UNC5D: variants seen among roughly 807,000 people sequenced by gnomAD.
UNC5D encodes netrin receptor UNC5D.
Under a neutral mutation model 105.4 loss-of-function variants are expected in UNC5D, and 39 were observed. The observed-to-expected ratio is 0.37, with a 90% CI of 0.29 to 0.48. The LOEUF is 0.48. Among genes scored for constraint, UNC5D ranks in the 20% least tolerant of loss-of-function variants. The pLI is 0.98. For missense variants in UNC5D, 991 were observed against 1,202.4 expected (o/e 0.82, Z 2.60); for synonymous variants, 452 against 450.4 (o/e 1.00, Z -0.04).
chr8:35,764,197 T>C (rs1179807373), intron 14 of UNC5D, among the ~76,000 whole-genome samples: 1 of 152,154 alleles, frequency 6.6e-6, no homozygotes, highest in African/African-American at 2.4e-5. Context: ...AGAGAGATGA[T>C]GGCAATCAGT....
intron 1 of UNC5D, among the ~76,000 whole-genome samples, chr8:35,410,372 A>C (rs539311840): frequency 7.2e-5 from 11 of 152,036 alleles, no homozygotes; most frequent in Non-Finnish European, 1.6e-4. Context: ...CAGTTGTCAA[A>C]ATGATGTTCT....
intron 1 of UNC5D, among the ~76,000 whole-genome samples, chr8:35,541,634 A>G (rs1815281762): frequency 6.6e-6 from 1 of 152,198 alleles, no homozygotes; most frequent in South Asian, 2.1e-4. Flanking sequence ...GATGCCTGCC[A>G]TAAACCCTCC....
chr8:35,572,293 A>C (rs1817787953), intron 3 of UNC5D, among the ~76,000 whole-genome samples: 1 of 150,558 alleles, frequency 6.6e-6, no homozygotes, highest in African/African-American at 2.4e-5. Context: ...AAAAAAAAAA[A>C]AAAAAAACCC....
chr8:35,574,181 A>G (rs1817940913), intron 3 of UNC5D, among the ~76,000 whole-genome samples: 1 of 151,978 alleles, frequency 6.6e-6, no homozygotes, highest in Non-Finnish European at 1.5e-5. Flanking sequence ...CTTCTTCTTC[A>G]TCTGCTTATA....
chr8:35,584,480 T>G (rs896638427), intron 3 of UNC5D, among the ~76,000 whole-genome samples: 1 of 152,110 alleles, frequency 6.6e-6, no homozygotes, highest in Non-Finnish European at 1.5e-5. Context: ...AGTGGCATGA[T>G]TATAGCTCAC....
chr8:35,290,622 C>G (rs1299319828), intron 1 of UNC5D, among the ~76,000 whole-genome samples: 1 of 151,962 alleles, frequency 6.6e-6, no homozygotes. Flanking sequence ...TTCAAAGTAA[C>G]TAAGATAAAT....
At chr8:35,293,579 C>G (rs1807239873) in intron 1 of UNC5D, among the ~76,000 whole-genome samples, 1 of 152,150 alleles carries the variant, frequency 6.6e-6, no homozygotes, top group South Asian at 2.1e-4. Flanking sequence ...ATCTTGAAAC[C>G]CTTTCCCCCA....
At chr8:35,571,835 A>T (rs750370131) in intron 3 of UNC5D, among the ~76,000 whole-genome samples, 17 of 152,246 alleles carry the variant, frequency 1.1e-4, no homozygotes, top group Non-Finnish European at 2.4e-4. Flanking sequence ...GGATTTTGAT[A>T]GATGAATGTA....
intron 1 of UNC5D, among the ~76,000 whole-genome samples, chr8:35,314,792 G>A (rs1342236860): frequency 1.3e-5 from 2 of 152,086 alleles, no homozygotes; most frequent in Non-Finnish European, 2.9e-5. Context: ...CTAACCCTCA[G>A]GAGCTTGTAA....
intron 1 of UNC5D, among the ~76,000 whole-genome samples, chr8:35,294,704 T>C (rs1230107700): frequency 6.6e-6 from 1 of 151,480 alleles, no homozygotes; most frequent in Non-Finnish European, 1.5e-5. Context: ...CTTCTTTTTT[T>C]TTTTTTTTTT....
At chr8:35,498,873 G>T (rs1017792929) in intron 1 of UNC5D, among the ~76,000 whole-genome samples, 3 of 152,020 alleles carry the variant, frequency 2.0e-5, no homozygotes, top group Admixed American at 6.6e-5. Context: ...TTATTCCTAG[G>T]ATCTTTTTTC....
At chr8:35,612,607 A>G (rs1192339380) in intron 4 of UNC5D, among the ~76,000 whole-genome samples, 5 of 152,054 alleles carry the variant, frequency 3.3e-5, no homozygotes, top group Non-Finnish European at 5.9e-5. Context: ...GGGGTTTTAC[A>G]TCTTTTTGGG....
intron 1 of UNC5D, among the ~76,000 whole-genome samples, chr8:35,299,517 TG>T (rs1807761343): frequency 6.6e-6 from 1 of 152,170 alleles, no homozygotes; most frequent in African/African-American, 2.4e-5. Flanking sequence ...TTGTGGAGGT[TG>T]TGTTAGAGTA....
intron 1 of UNC5D, among the ~76,000 whole-genome samples, chr8:35,276,388 A>T (rs895146946): frequency 6.6e-6 from 1 of 152,204 alleles, no homozygotes; most frequent in African/African-American, 2.4e-5. Context: ...TCAGAGTGTC[A>T]GACTCAGATG....
At chr8:35,702,980 G>C (rs1209915992) in intron 7 of UNC5D, among the ~76,000 whole-genome samples, 1 of 152,062 alleles carries the variant, frequency 6.6e-6, no homozygotes, top group African/African-American at 2.4e-5. Flanking sequence ...CACATTTACA[G>C]TGGGTGAAGG....
At chr8:35,665,104 G>T (rs1824344514) in intron 4 of UNC5D, among the ~76,000 whole-genome samples, 1 of 152,014 alleles carries the variant, frequency 6.6e-6, no homozygotes, top group Admixed American at 6.6e-5. Flanking sequence ...CAAAGTACTG[G>T]GATTACAGAT....
chr8:35,748,444 C>T lies in UNC5D; in HGVS notation c.1767-83C>T, dbSNP rs1417900471. 8 of 1,425,968 alleles carry T rather than the reference C, an allele frequency of 5.6e-6. No individual in the cohort carries two copies. In the East Asian group the frequency reaches 1.7e-4, roughly 29 times the overall value. The allele number at this position is 1,425,968 out of a possible 1,614,324, so 88.3% of individuals were successfully genotyped here. A position where few individuals can be genotyped will look rare whatever the true frequency, so the allele number is the denominator to read the frequency against. On this transcript the variant is annotated intron_variant, in intron 11 of 16. Transcript: ENST00000404895. ...GAATATTTATAAGCCTGAAGAAAACCCCAGTCTGTTAACCAAATTCTCATT... is the reference window on the plus strand; with the variant it reads ...GAATATTTATAAGCCTGAAGAAAACTCCAGTCTGTTAACCAAATTCTCATT...
chr8:35,608,108 T>C (rs1040864159), intron 4 of UNC5D, among the ~76,000 whole-genome samples: 1 of 152,178 alleles, frequency 6.6e-6, no homozygotes, highest in African/African-American at 2.4e-5. Flanking sequence ...AGGTTCCAAA[T>C]CAACATGAAT....
Position 35,753,304 on chromosome 8 carries a change from T to C in UNC5D, c.2163+2495T>C, listed in dbSNP as rs192340492. Among the ~76,000 whole-genome samples, 368 of 152,316 alleles carry C rather than the reference T, an allele frequency of 2.4e-3. 1 individual carries two copies. The highest frequency in any genetic ancestry group is 8.2e-3 in the African/African-American group (340 of 41,582). ...TGTTTTTTGAGATGGAGTCTCGCTC[T>C]GTCCCCCAGGCTGGAGTGCAGTGGC... is the stretch of plus-strand genomic sequence containing the variant. On this transcript the variant is annotated intron_variant, in intron 13 of 16. Transcript: ENST00000404895.
Sources: allele counts gnomAD v4.1 joint callset (sites outside exome capture counted in the v4.1 genomes callset), GRCh38; gene constraint gnomAD v4.1.1; transcripts MANE v1.5; gene names NCBI Gene and HGNC (gene_info 2026-07-23, HGNC 2026-07-21).